Variants in PKD2 observed in about 807,000 individuals in gnomAD.
PKD2 encodes polycystin-2.
In PKD2, 48 loss-of-function variants were observed where a neutral mutation model predicts 105.9. The ratio of observed to expected loss-of-function variants is 0.45; its 90% confidence interval spans 0.36 to 0.58. The LOEUF (loss-of-function observed/expected upper bound fraction) is 0.58, where lower values mean the gene tolerates loss of function less well. Among genes scored for constraint, PKD2 ranks in the 20% least tolerant of loss-of-function variants. The pLI, the probability that PKD2 is intolerant of heterozygous loss-of-function variation, is 0.00. For synonymous variants in PKD2, 464 were observed against 481.1 expected, an observed-to-expected ratio of 0.96 and a Z score of 0.46; for missense variants, 1,078 against 1,255.3, an observed-to-expected ratio of 0.86 and a Z score of 2.13.
rs377259846 is a variant in PKD2 at position 88,032,233 on chromosome 4, A to G, written c.710-3987A>G. 2.2e-4 allele frequency among the ~76,000 whole-genome samples: 33 copies of G among 152,282 alleles called. No individual in the cohort carries two copies. The South Asian group carries it at 6.6e-3, about 31-fold the overall frequency. On this transcript the variant is annotated intron_variant, in intron 2 of 14. Coordinates refer to ENST00000237596, the MANE Select transcript of PKD2 (RefSeq NM_000297.4). ...CCTAGTGATTTGAAATTTATGTAAT[A>G]TATACTATTCTACAATACCCTTTAT...
chr4:88,062,000 G>C lies in PKD2; in HGVS notation c.2114G>C (p.Arg705Thr), dbSNP rs1720594211. 1 of 1,453,148 alleles carries C rather than the reference G, an allele frequency of 6.9e-7. No individual in the cohort carries two copies. The highest frequency in any genetic ancestry group is 1.7e-5 in the Admixed American group (1 of 59,722). The allele number at this position is 1,453,148 out of a possible 1,614,324, so 90.0% of individuals were successfully genotyped here. A position where few individuals can be genotyped will look rare whatever the true frequency, so the allele number is the denominator to read the frequency against. The change falls in exon 10 of 15, where the codon AGA (arginine) becomes ACA (threonine). Residue 705 changes from arginine (R) to threonine (T), a missense_variant. Arg to Thr is a moderately conservative substitution (Grantham distance 71). Coordinates refer to ENST00000237596, the MANE Select transcript of PKD2 (RefSeq NM_000297.4). ...GAAATGGAACTCTCAGATCTTATCA[G>C]AAAGGTAGGAAAAACCTTAATTCTC... is the stretch of plus-strand genomic sequence containing the variant. Reference protein sequence around the residue: ...KAEMELSDLIRKGYHKALVKL... With the variant: ...KAEMELSDLITKGYHKALVKL...
At chr4:88,061,222 A>G (rs563779531) in intron 9 of PKD2, among the ~76,000 whole-genome samples, 33 of 152,356 alleles carry the variant, frequency 2.2e-4, no homozygotes, top group African/African-American at 7.0e-4. Flanking sequence ...TTGGAATTCT[A>G]TACCCTTCAG....
chr4:88,007,952 C>G lies in PKD2; in HGVS notation c.219C>G (p.Ala73=), dbSNP rs1560591992. Residue 73 remains alanine (A), a synonymous_variant, in exon 1 of 15, where the codon GCC becomes GCG. Transcript: ENST00000237596. ...GGGACCCCCCGGCCGGAGCCGCGGC[C>G]TCCCCTTCTCCTCCGCTCTCGTCGT... ...AARDPPAGAA[A]SPSPPLSSCS... 1 of 1,475,076 alleles carries G rather than the reference C, an allele frequency of 6.8e-7. No individual in the cohort carries two copies. The highest frequency in any genetic ancestry group is 2.2e-5 in the Admixed American group (1 of 45,916). 91.4% of individuals were successfully genotyped at this position (1,475,076 alleles called of 1,614,324 possible). A position where few individuals can be genotyped will look rare whatever the true frequency, so the allele number is the denominator to read the frequency against.
At chr4:88,067,430 T>C (rs1388260107) in intron 12 of PKD2, among the ~76,000 whole-genome samples, 1 of 152,168 alleles carries the variant, frequency 6.6e-6, no homozygotes, top group Non-Finnish European at 1.5e-5. Flanking sequence ...TCAAGTGATC[T>C]TCCGACCTCA....
At chr4:88,052,230 T>A in intron 7 of PKD2, 72 bp downstream of exon 7, 1 of 951,286 alleles carries the variant, frequency 1.1e-6, no homozygotes, top group Non-Finnish European at 1.7e-6. Context: ...CACAAAATCA[T>A]GGAATACTTG....
At chr4:88,022,174 G>T (rs1166371416) in intron 2 of PKD2, among the ~76,000 whole-genome samples, 1 of 152,166 alleles carries the variant, frequency 6.6e-6, no homozygotes, top group Admixed American at 6.5e-5. Context: ...GACCATAGTG[G>T]AGGACTCCTC....
intron 1 of PKD2, 134 bp downstream of exon 1, chr4:88,008,462 A>G (rs1364050823): frequency 1.8e-6 from 2 of 1,140,868 alleles, no homozygotes; most frequent in Non-Finnish European, 2.3e-6. Flanking sequence ...TTGGAAGCGC[A>G]TTCCCCACCT....
At chr4:88,022,221 C>A (rs1726778377) in intron 2 of PKD2, among the ~76,000 whole-genome samples, 1 of 152,216 alleles carries the variant, frequency 6.6e-6, no homozygotes, top group African/African-American at 2.4e-5. Flanking sequence ...TTAGGATCTG[C>A]CCATTTTTCC....
At chr4:88,029,562 T>G (rs532444787) in intron 2 of PKD2, among the ~76,000 whole-genome samples, 1 of 152,352 alleles carries the variant, frequency 6.6e-6, no homozygotes, top group Middle Eastern at 3.4e-3. Flanking sequence ...GTGATCATTC[T>G]GCCTCATCAG....
intron 10 of PKD2, among the ~76,000 whole-genome samples, chr4:88,063,621 A>G (rs1720667454): frequency 6.6e-6 from 1 of 152,224 alleles, no homozygotes; most frequent in Non-Finnish European, 1.5e-5. Flanking sequence ...AAATCAAAAC[A>G]GAGTAATGGA....
At chr4:88,020,366 A>G (rs1726705238) in intron 2 of PKD2, among the ~76,000 whole-genome samples, 1 of 152,050 alleles carries the variant, frequency 6.6e-6, no homozygotes, top group African/African-American at 2.4e-5. Context: ...ATTTCTTCTC[A>G]ATCTTTAATA....
intron 6 of PKD2, among the ~76,000 whole-genome samples, chr4:88,051,458 CTT>C (rs1720092807): frequency 6.6e-6 from 1 of 152,186 alleles, no homozygotes; most frequent in Admixed American, 6.5e-5. Flanking sequence ...GTTTATTCCT[CTT>C]AGCCCTTGCA....
chr4:88,065,560 A>T, intron 11 of PKD2, 65 bp downstream of exon 11: 1 of 1,544,556 alleles, frequency 6.5e-7, no homozygotes, highest in South Asian at 1.1e-5. Flanking sequence ...CCTGGTGATA[A>T]GAGTATTTCT....
chr4:88,021,719 A>C (rs1469235835), intron 2 of PKD2, among the ~76,000 whole-genome samples: 1 of 152,226 alleles, frequency 6.6e-6, no homozygotes, highest in Non-Finnish European at 1.5e-5. Context: ...TTAGCAGTGA[A>C]GCCAGAGTCT....
At chr4:88,075,047 G>C in intron 14 of PKD2, 88 bp downstream of exon 14, 2 of 1,424,806 alleles carry the variant, frequency 1.4e-6, no homozygotes, top group Non-Finnish European at 2.0e-6. Context: ...TTGAAGTATT[G>C]AAGAAGAGTA....
At chr4:88,070,203 A>T (rs945550741) in intron 13 of PKD2, among the ~76,000 whole-genome samples, 2 of 152,036 alleles carry the variant, frequency 1.3e-5, no homozygotes, top group African/African-American at 4.8e-5. Context: ...GACAGGTGCT[A>T]ATTTTACTGT....
intron 2 of PKD2, among the ~76,000 whole-genome samples, chr4:88,026,476 C>A (rs925231483): frequency 6.6e-6 from 1 of 152,038 alleles, no homozygotes; most frequent in Non-Finnish European, 1.5e-5. Flanking sequence ...TATGTGCTCA[C>A]AAAGAGATGG....
chr4:88,040,257 A>G (rs975349353), intron 4 of PKD2, among the ~76,000 whole-genome samples: 3 of 152,014 alleles, frequency 2.0e-5, no homozygotes, highest in Admixed American at 1.3e-4. Context: ...TTCCTCCTCC[A>G]TATTAATTGC....
intron 1 of PKD2, among the ~76,000 whole-genome samples, chr4:88,011,326 CTT>C (rs559421962): frequency 3.6e-5 from 5 of 140,240 alleles, no homozygotes; most frequent in Admixed American, 7.1e-5. Context: ...TATTCTTGGG[CTT>C]TTTTTTTTTT....
Sources: gnomAD v4.1 joint callset for allele counts (sites outside exome capture counted in the v4.1 genomes callset) on GRCh38, gnomAD v4.1.1 for gene constraint, MANE v1.5 for transcripts, NCBI Gene and HGNC (gene_info 2026-07-23, HGNC 2026-07-21) for gene names.